Variants in NEBL observed in about 807,000 individuals in gnomAD.
The protein encoded by NEBL is LIM and SH3 protein 2.
Under a neutral mutation model 140.2 loss-of-function variants are expected in NEBL, and 122 were observed. The ratio of observed to expected loss-of-function variants is 0.87; its 90% CI spans 0.75 to 1.01. NEBL has a LOEUF of 1.01. Ranked by LOEUF, NEBL falls within the 50% of genes least tolerant of loss-of-function variation. The pLI is 0.00. For synonymous variants in NEBL, 436 were observed against 398.9 expected, an observed-to-expected ratio of 1.09 and a Z score of -1.11; for missense variants, 1,365 against 1,231.3, an observed-to-expected ratio of 1.11 and a Z score of -1.62.
At chr10:20,991,988 G>A (rs1837475197) in intron 3 of NEBL, among the ~76,000 whole-genome samples, 1 of 151,814 alleles carries the variant, frequency 6.6e-6, no homozygotes, top group African/African-American at 2.4e-5. Flanking sequence ...CGGTGTATGT[G>A]TACCACATTT....
At chr10:21,134,403 AC>A (rs1839251985) in intron 2 of NEBL, among the ~76,000 whole-genome samples, 1 of 152,140 alleles carries the variant, frequency 6.6e-6, no homozygotes, top group Non-Finnish European at 1.5e-5. Context: ...AGTGTTAAAA[AC>A]CTTTTGTAAT....
At chr10:20,979,139 T>C (rs770361178) in intron 3 of NEBL, among the ~76,000 whole-genome samples, 20 of 152,138 alleles carry the variant, frequency 1.3e-4, no homozygotes, top group Non-Finnish European at 2.1e-4. Context: ...CACGTAGGAC[T>C]GGGCACGGTG....
At chr10:21,059,843 T>C (rs987698024) in intron 2 of NEBL, among the ~76,000 whole-genome samples, 1 of 152,162 alleles carries the variant, frequency 6.6e-6, no homozygotes, top group Non-Finnish European at 1.5e-5. Flanking sequence ...ACAGCTCCAA[T>C]TTATGAGGAA....
At chr10:21,183,172 C>T (rs966289630) in intron 3 of NEBL, among the ~76,000 whole-genome samples, 3 of 152,214 alleles carry the variant, frequency 2.0e-5, no homozygotes, top group Admixed American at 2.0e-4. Context: ...ACTCACCTCC[C>T]TCTCTGTTCC....
chr10:20,831,649 T>A lies in NEBL; in HGVS notation c.1450-66A>T. 5 of 1,040,410 alleles carry A rather than the reference T, an allele frequency of 4.8e-6. No homozygotes were observed. In the South Asian group the frequency reaches 5.1e-5, roughly 11 times the overall value. 64.4% of individuals were successfully genotyped at this position (1,040,410 alleles called of 1,614,324 possible). A position where few individuals can be genotyped will look rare whatever the true frequency, so the allele number is the denominator to read the frequency against. On this transcript the variant is annotated intron_variant, in intron 14 of 27. Coordinates refer to ENST00000377122, the MANE Select transcript of NEBL (RefSeq NM_006393.3). The stretch of plus-strand genomic sequence containing the variant: ...TTGAGAAACTGCTCAAAAATCGAGA[T>A]GTCATTTTGACATTAAGACCATGTC...
Position 20,796,736 on chromosome 10 carries a change from C to T in NEBL, c.2762-9428G>A, listed in dbSNP as rs80246415. Among the ~76,000 whole-genome samples, 160 of 152,256 alleles carry T rather than the reference C, an allele frequency of 1.1e-3. 3 individuals carry two copies. In the East Asian group the frequency reaches 0.029, roughly 27 times the overall value. On this transcript the variant is annotated intron_variant, in intron 26 of 27. Transcript: ENST00000377122. ...ATTTTTTTCCCTCAGATTTGTTTCT[C>T]ATTTTATCTCTCTTAGGATAAACTC...
chr10:21,045,365 G>A (rs572104350), intron 2 of NEBL, among the ~76,000 whole-genome samples: 10 of 152,150 alleles, frequency 6.6e-5, no homozygotes, highest in African/African-American at 1.4e-4. Flanking sequence ...TCTCAATCTC[G>A]CGATACTAAC....
At chr10:20,842,617 T>C (rs1841502123) in intron 12 of NEBL, among the ~76,000 whole-genome samples, 1 of 152,108 alleles carries the variant, frequency 6.6e-6, no homozygotes, top group African/African-American at 2.4e-5. Flanking sequence ...GTTGACAATT[T>C]ATGGTTGCAT....
At chr10:21,075,785 T>A (rs1349903084) in intron 2 of NEBL, among the ~76,000 whole-genome samples, 1 of 152,112 alleles carries the variant, frequency 6.6e-6, no homozygotes, top group Non-Finnish European at 1.5e-5. Context: ...AAATCACATA[T>A]CTAATAAGGG....
At chr10:21,269,203 G>T (rs532104903) in intron 1 of NEBL, among the ~76,000 whole-genome samples, 31 of 152,274 alleles carry the variant, frequency 2.0e-4, no homozygotes, top group Admixed American at 1.8e-3. Context: ...GTACCCAGGG[G>T]CCTTCTGAGT....
intron 2 of NEBL, among the ~76,000 whole-genome samples, chr10:21,099,299 G>A (rs1424297504): frequency 6.6e-6 from 1 of 151,946 alleles, no homozygotes; most frequent in African/African-American, 2.4e-5. Context: ...ACACTGAGTA[G>A]CCCACCCACC....
chr10:21,260,730 C>G (rs929280225), intron 1 of NEBL, among the ~76,000 whole-genome samples: 3 of 152,178 alleles, frequency 2.0e-5, no homozygotes, highest in South Asian at 2.1e-4. Context: ...TACTCAGGAC[C>G]TGGCATCTCC....
intron 2 of NEBL, among the ~76,000 whole-genome samples, chr10:21,062,259 G>A (rs759553934): frequency 4.6e-5 from 7 of 152,152 alleles, no homozygotes; most frequent in Non-Finnish European, 1.0e-4. Context: ...ATCACAGCGT[G>A]AGAGACTGCA....
intron 3 of NEBL, among the ~76,000 whole-genome samples, chr10:21,205,652 T>C (rs555664955): frequency 6.6e-6 from 1 of 152,152 alleles, no homozygotes; most frequent in Non-Finnish European, 1.5e-5. Flanking sequence ...ACACAATTAC[T>C]TTGGCACCAA....
chr10:21,092,586 TTAATAATAATAATAA>T (rs4025883), intron 2 of NEBL, among the ~76,000 whole-genome samples: 3,473 of 142,096 alleles, frequency 0.024, 136 homozygotes, highest in African/African-American at 0.082. Flanking sequence ...CCTCTATAAT[TTAATAATAATAATAA>T]TAATAATAAT....
At chr10:20,815,921 AC>A in intron 21 of NEBL, 1 of 558,716 alleles carries the variant, frequency 1.8e-6, no homozygotes, top group Non-Finnish European at 3.2e-6. Context: ...GGCACCTGCC[AC>A]CATGCCTGGC....
chr10:20,792,299 C>T (rs2574767), intron 26 of NEBL, among the ~76,000 whole-genome samples: 152,305 of 152,306 alleles, frequency 1, 76,152 homozygotes, highest in Non-Finnish European at 1. Flanking sequence ...GAGTCTAGGA[C>T]ACAATGCAAT....
intron 3 of NEBL, among the ~76,000 whole-genome samples, chr10:20,981,538 C>A (rs561510133): frequency 6.6e-6 from 1 of 152,300 alleles, no homozygotes; most frequent in East Asian, 1.9e-4. Flanking sequence ...GGTAACAGCA[C>A]CCTGACTTGC....
chr10:21,099,845 C>T (rs1168875023), intron 2 of NEBL, among the ~76,000 whole-genome samples: 1 of 152,146 alleles, frequency 6.6e-6, no homozygotes, highest in Non-Finnish European at 1.5e-5. Context: ...AGAAGCCAGC[C>T]CAAGATATTA....
Sources: gnomAD v4.1 joint callset for allele counts (sites outside exome capture counted in the v4.1 genomes callset) on GRCh38, gnomAD v4.1.1 for gene constraint, MANE v1.5 for transcripts, NCBI Gene and HGNC (gene_info 2026-07-23, HGNC 2026-07-21) for gene names.